RND3: variants seen among roughly 807,000 people sequenced by gnomAD.
RND3 encodes rho-related GTP-binding protein RhoE.
Under a neutral mutation model 26.5 loss-of-function variants are expected in RND3, and 8 were observed. The observed-to-expected ratio is 0.30, with a 90% CI of 0.18 to 0.54. The LOEUF (loss-of-function observed/expected upper bound fraction) is 0.54, where lower values mean the gene tolerates loss of function less well. Among genes scored for constraint, RND3 ranks in the 20% least tolerant of loss-of-function variants. The probability of loss-of-function intolerance (pLI) is 0.94; values close to 1 mark genes in which losing one functional copy is unlikely to be tolerated. For synonymous variants in RND3, 113 were observed against 113.0 expected (o/e 1.00, Z 0.00); for missense variants, 207 against 302.8 (o/e 0.68, Z 2.35).
At chr2:150,474,412 C>T (rs2293565) in intron 4 of RND3, among the ~76,000 whole-genome samples, 2 of 152,124 alleles carry the variant, frequency 1.3e-5, no homozygotes, top group South Asian at 2.1e-4. Context: ...ATCCCTATTC[C>T]TCCTACACTA....
At chr2:150,483,686 C>T (rs1302675138) in intron 3 of RND3, among the ~76,000 whole-genome samples, 1 of 152,120 alleles carries the variant, frequency 6.6e-6, no homozygotes, top group Non-Finnish European at 1.5e-5. Flanking sequence ...TGTTAAAGAT[C>T]CTTGAAATAA....
Position 150,486,938 on chromosome 2 carries a change from C to T in RND3, c.151-157G>A. 3.0e-6 allele frequency: 2 copies of T among 671,024 alleles called. No individual in the cohort carries two copies. The highest frequency in any genetic ancestry group is 3.4e-5 in the South Asian group (2 of 59,502). 41.6% of individuals were successfully genotyped at this position (671,024 alleles called of 1,614,324 possible). A position where few individuals can be genotyped will look rare whatever the true frequency, so the allele number is the denominator to read the frequency against. On this transcript the variant is annotated intron_variant, in intron 2 of 5. Coordinates refer to ENST00000263895, the MANE Select transcript of RND3 (RefSeq NM_005168.5). This position sits in a 1 kb window ranked among gnomAD's most constrained non-coding sequence, Gnocchi z 4.5. ...ACACACTAAGCACATGGACCCTTTC[C>T]GAAACCCCTGTCCTACTCCCCACTC...
In RND3 at chr2:150,477,027, G is replaced by A. The variant is rs374818662; in HGVS notation, c.239-2043C>T. 2.4e-4 allele frequency among the ~76,000 whole-genome samples: 37 copies of A among 152,232 alleles called. No individual in the cohort carries two copies. The South Asian group carries it at 7.1e-3, about 29-fold the overall frequency. On this transcript the variant is annotated intron_variant, in intron 3 of 5. Transcript: ENST00000263895. ...TCAGAAAATTCTAGATCATAGAGTG[G>A]AGCTCCAAATACTGGACATATAAAT...
rs1366198752 is a variant in RND3 at position 150,468,958 on chromosome 2, TG to T, written c.*1028del. Reference sequence around the variant, plus strand: ...AATAAACCAACAGATTATCAGATGCTGTCAGTTTTGGAGCTTCAACCCAAAA... The same window carrying T: ...AATAAACCAACAGATTATCAGATGCTTCAGTTTTGGAGCTTCAACCCAAAA... On this transcript the variant is annotated 3_prime_UTR_variant, in exon 6 of 6. Transcript: ENST00000263895. 6.6e-6 allele frequency: 1 copy of T among 152,654 alleles called. No homozygotes were observed. Among genetic ancestry groups the T allele is most frequent in the African/African-American group, 2.4e-5 (1 of 41,466 alleles). The allele number at this position is 152,654 out of a possible 1,614,324, so 9.5% of individuals were successfully genotyped here. A position where few individuals can be genotyped will look rare whatever the true frequency, so the allele number is the denominator to read the frequency against.
rs759860450 is a variant in RND3 at position 150,486,775 on chromosome 2, C to T, written c.157G>A (p.Val53Ile). Residue 53 changes from valine to isoleucine, a missense_variant, in exon 3 of 6, where the codon GTT (valine) becomes ATT (isoleucine). Val to Ile is a conservative substitution (Grantham distance 29, BLOSUM62 3). Coordinates refer to ENST00000263895, the MANE Select transcript of RND3 (RefSeq NM_005168.5). This position sits in a 1 kb window ranked among gnomAD's most constrained non-coding sequence, Gnocchi z 4.5. The stretch of plus-strand genomic sequence containing the variant: ...GTGTAATTCTCAAACACTGTAGGAA[C>T]GTAATTCTGGATAGACAAAATGGGC... ...FAKDCFPENY[V>I]PTVFENYTAS... 3.7e-5 allele frequency: 59 copies of T among 1,611,106 alleles called. No homozygotes were observed. The South Asian group carries it at 5.9e-4, about 16-fold the overall frequency.
intron 5 of RND3, among the ~76,000 whole-genome samples, chr2:150,470,584 G>A (rs903105028): frequency 6.6e-6 from 1 of 152,166 alleles, no homozygotes; most frequent in Non-Finnish European, 1.5e-5. Context: ...GTAGAGTGGA[G>A]CTAACGAAGT....
chr2:150,476,263 G>A (rs567124663), intron 3 of RND3, among the ~76,000 whole-genome samples: 1 of 152,196 alleles, frequency 6.6e-6, no homozygotes, highest in East Asian at 1.9e-4. Context: ...AAGTCAGGAA[G>A]AGAGACTTAA....
In RND3 at chr2:150,486,797, G is replaced by A. The variant is rs375036932; in HGVS notation, c.151-16C>T. 2.9e-5 allele frequency: 45 copies of A among 1,573,608 alleles called. No homozygotes were observed. Among genetic ancestry groups the A allele is most frequent in the Non-Finnish European group, 3.7e-5 (42 of 1,143,046 alleles). On this transcript the variant is annotated splice_polypyrimidine_tract_variant and intron_variant, in intron 2 of 5. Coordinates refer to ENST00000263895, the MANE Select transcript of RND3 (RefSeq NM_005168.5). This position sits in a 1 kb window ranked among gnomAD's most constrained non-coding sequence, Gnocchi z 4.5. ...GAACGTAATTCTGGATAGACAAAAT[G>A]GGCAAAAGAGGAAGGAAAGAGGGCA...
intron 5 of RND3, among the ~76,000 whole-genome samples, chr2:150,470,617 C>G (rs2105215630): frequency 6.6e-6 from 1 of 152,266 alleles, no homozygotes; most frequent in Middle Eastern, 3.4e-3. Flanking sequence ...CTATCAACTG[C>G]AAGCAAGAGT....
Position 150,487,473 on chromosome 2 carries a change from AAATATATAT to A in RND3, c.-38-27_-38-19del. On this transcript the variant is annotated intron_variant, in intron 1 of 5. Transcript: ENST00000263895. Reference sequence around the variant, plus strand: ...AATTTTCTCTTAAGAAGAAAAAAAAAAATATATATATATATATATATTTCTCTCTTTATA... The same window carrying A: ...AATTTTCTCTTAAGAAGAAAAAAAAAATATATATATATTTCTCTCTTTATA... The A allele has an allele frequency of 2.8e-6, 1 of 362,794 alleles. No homozygotes were observed. Among genetic ancestry groups the A allele is most frequent in the African/African-American group, 2.8e-5 (1 of 36,310 alleles). The allele number at this position is 362,794 out of a possible 1,614,324, so 22.5% of individuals were successfully genotyped here.
intron 4 of RND3, chr2:150,472,103 G>T (rs1573952611): frequency 4.1e-6 from 1 of 244,994 alleles, no homozygotes; most frequent in South Asian, 5.0e-5. Flanking sequence ...TGTGTCTTAA[G>T]AATAATTATA....
At chr2:150,470,278 T>C (rs1436600324) in intron 5 of RND3, 40 bp from the exon 6 acceptor site, 1 of 1,591,626 alleles carries the variant, frequency 6.3e-7, no homozygotes, top group Non-Finnish European at 8.6e-7. Context: ...GCAATAAGAC[T>C]TTGGGGGAAA....
At chr2:150,471,169 T>C (rs1686083865) in intron 5 of RND3, among the ~76,000 whole-genome samples, 1 of 152,206 alleles carries the variant, frequency 6.6e-6, no homozygotes, top group Non-Finnish European at 1.5e-5. Context: ...TGAACTCTCT[T>C]TAGAATCTGG....
At chr2:150,471,968 A>G in intron 4 of RND3, 1 of 521,646 alleles carries the variant, frequency 1.9e-6, no homozygotes, top group Non-Finnish European at 3.4e-6. Flanking sequence ...GAGAATAATT[A>G]TGTATATTAT....
intron 4 of RND3, among the ~76,000 whole-genome samples, chr2:150,473,183 C>A (rs748246706): frequency 2.6e-5 from 4 of 151,806 alleles, no homozygotes; most frequent in Non-Finnish European, 5.9e-5. Flanking sequence ...TCAAGTCATT[C>A]TAACCTCCTC....
intron 3 of RND3, among the ~76,000 whole-genome samples, chr2:150,477,931 C>T (rs149846118): frequency 3.9e-5 from 6 of 152,206 alleles, no homozygotes; most frequent in East Asian, 1.9e-4. Context: ...TAGATCAACA[C>T]GAGTGTCCAA....
intron 3 of RND3, among the ~76,000 whole-genome samples, chr2:150,481,173 G>C (rs995359163): frequency 6.6e-6 from 1 of 152,218 alleles, no homozygotes; most frequent in Non-Finnish European, 1.5e-5. Flanking sequence ...AGGGAATTGT[G>C]GTGGGCCTCA....
Position 150,487,474 on chromosome 2 carries a change from A to AAATATATATAT in RND3, c.-38-20_-38-19insATATATATATT. ...ATTTTCTCTTAAGAAGAAAAAAAAA[A>AAATATATATAT]ATATATATATATATATATATTTCTC... On this transcript the variant is annotated intron_variant, in intron 1 of 5. Transcript: ENST00000263895. 1.8e-3 allele frequency: 367 copies of AAATATATATAT among 200,754 alleles called. No homozygotes were observed. Among genetic ancestry groups the AAATATATATAT allele is most frequent in the African/African-American group, 3.7e-3 (137 of 36,644 alleles). The allele number at this position is 200,754 out of a possible 1,614,324, so 12.4% of individuals were successfully genotyped here.
chr2:150,474,182 C>G (rs1686128635), intron 4 of RND3, among the ~76,000 whole-genome samples: 1 of 152,200 alleles, frequency 6.6e-6, no homozygotes, highest in African/African-American at 2.4e-5. Flanking sequence ...GTGACCCATC[C>G]TGTAATAGGT....
Sources: gnomAD v4.1 joint callset for allele counts (sites outside exome capture counted in the v4.1 genomes callset) on GRCh38, gnomAD v4.1.1 for gene constraint, Gnocchi (gnomAD v3.1) non-coding constraint, MANE v1.5 for transcripts, NCBI Gene and HGNC (gene_info 2026-07-23, HGNC 2026-07-21) for gene names.